The following PFKM variants were observed in gnomAD, a reference collection of about 807,000 sequenced individuals.
PFKM encodes phosphofructokinase, muscle.
A neutral mutation model predicts 95.5 loss-of-function variants in PFKM; 58 were observed. That is an observed-to-expected ratio of 0.61 (90% CI 0.49 to 0.76). The LOEUF (loss-of-function observed/expected upper bound fraction) is 0.76, where lower values mean the gene tolerates loss of function less well. Ranked by LOEUF, PFKM falls within the 30% of genes least tolerant of loss-of-function variation. PFKM has a pLI of 0.00. For missense variants in PFKM, 678 were observed against 1,005.4 expected (o/e 0.67, Z 4.40); for synonymous variants, 336 against 357.2 (o/e 0.94, Z 0.67).
chr12:48,136,604 A>G (rs1254446384), intron 10 of PFKM, among the ~76,000 whole-genome samples: 2 of 150,764 alleles, frequency 1.3e-5, no homozygotes, highest in African/African-American at 2.4e-5. Flanking sequence ...ATACTGCCCA[A>G]CTGTTTCCAG....
chr12:48,145,368 T>G lies in PFKM; in HGVS notation c.2198+53T>G, dbSNP rs1411145276. 6 of 1,461,326 alleles carry G rather than the reference T, an allele frequency of 4.1e-6. No homozygotes were observed. The highest frequency in any genetic ancestry group is 2.8e-5 in the African/African-American group (2 of 72,122). The allele number at this position is 1,461,326 out of a possible 1,614,324, so 90.5% of individuals were successfully genotyped here. On this transcript the variant is annotated intron_variant, in intron 22 of 22. Coordinates refer to ENST00000359794, the MANE Select transcript of PFKM (RefSeq NM_000289.6). The surrounding 1 kb of genome is among the most constrained non-coding windows in gnomAD (Gnocchi z 4.3). ...TCTTTTCCCTGGTAGTTTCAAGCTC[T>G]ACTGTCCTCAACCTGTTCACTGTCT...
At chr12:48,115,102 C>G (rs913844121), upstream of PFKM, among the ~76,000 whole-genome samples, 3 of 152,250 alleles carry the variant, frequency 2.0e-5, no homozygotes, top group Admixed American at 2.0e-4. Flanking sequence ...AATTGACTTG[C>G]CACCAAGGGA....
At chr12:48,144,308 T>G in intron 20 of PFKM, 151 bp downstream of exon 20, 1 of 704,348 alleles carries the variant, frequency 1.4e-6, no homozygotes, top group South Asian at 1.5e-5. Flanking sequence ...CTGCAGTCTC[T>G]TACAGTCATA....
intron 3 of PFKM, among the ~76,000 whole-genome samples, chr12:48,114,158 T>A (rs1369770824): frequency 6.6e-6 from 1 of 152,136 alleles, no homozygotes; most frequent in Non-Finnish European, 1.5e-5. Flanking sequence ...GTTATCAGCA[T>A]GCGATTGGGC....
At position 48,135,050 on chromosome 12, in the gene PFKM, T is replaced by C; in HGVS notation, c.843+12T>C. 6.3e-7 allele frequency: 1 copy of C among 1,594,340 alleles called. No individual in the cohort carries two copies. Among genetic ancestry groups the C allele is most frequent in the Non-Finnish European group, 8.6e-7 (1 of 1,161,990 alleles). ...AAGACATCAAGAATGTTCGTATGAATGAAGCCAGAGAGGCCTTAGAATCCA... is the reference window on the plus strand; with the variant it reads ...AAGACATCAAGAATGTTCGTATGAACGAAGCCAGAGAGGCCTTAGAATCCA... On this transcript the variant is annotated intron_variant, in intron 9 of 22. Coordinates refer to ENST00000359794, the MANE Select transcript of PFKM (RefSeq NM_000289.6).
chr12:48,133,459 C>G lies in PFKM; in HGVS notation c.572C>G (p.Ala191Gly). ...CATCGGATCATGGAAATTGTAGATG[C>G]CATCACTACCACTGCCCAGAGGTAA... ...ALHRIMEIVD[A>G]ITTTAQSHQR... Residue 191 changes from alanine to glycine, a missense_variant, in exon 6 of 23, where the codon GCC (alanine) becomes GGC (glycine). By Grantham distance (60) the Ala-to-Gly change is moderately conservative. Transcript: ENST00000359794. 6.2e-7 allele frequency: 1 copy of G among 1,614,074 alleles called. No individual in the cohort carries two copies. Among genetic ancestry groups the G allele is most frequent in the Non-Finnish European group, 8.5e-7 (1 of 1,179,948 alleles).
At chr12:48,112,769 G>T (rs1416153802) in intron 3 of PFKM, among the ~76,000 whole-genome samples, 1 of 151,604 alleles carries the variant, frequency 6.6e-6, no homozygotes, top group Non-Finnish European at 1.5e-5. Flanking sequence ...TTTTTGGATA[G>T]GTAAAATGGG....
intron 2 of PFKM, among the ~76,000 whole-genome samples, chr12:48,128,403 C>A (rs1391580630): frequency 6.6e-6 from 1 of 152,130 alleles, no homozygotes; most frequent in Non-Finnish European, 1.5e-5. Context: ...TTGTACTTGG[C>A]TCATGTCTTT....
chr12:48,109,916 A>T (rs1189125622), intron 3 of PFKM, among the ~76,000 whole-genome samples: 1 of 152,178 alleles, frequency 6.6e-6, no homozygotes, highest in Non-Finnish European at 1.5e-5. Context: ...ATACTATGTC[A>T]AGTACTGTAC....
intron 12 of PFKM, 40 bp downstream of exon 12, chr12:48,139,389 G>T: frequency 6.5e-7 from 1 of 1,539,716 alleles, no homozygotes; most frequent in African/African-American, 1.4e-5. Flanking sequence ...ACAGAAATCA[G>T]AGGCGTGAAC....
upstream of PFKM, chr12:48,105,430 T>C (rs770417103): frequency 3.9e-6 from 2 of 518,774 alleles, no homozygotes; most frequent in African/African-American, 1.9e-5. Context: ...GTAAGCAAAT[T>C]GTGGCAGTTA....
upstream of PFKM, among the ~76,000 whole-genome samples, chr12:48,116,739 A>G (rs758650194): frequency 1.3e-5 from 2 of 152,192 alleles, no homozygotes; most frequent in Non-Finnish European, 2.9e-5. Flanking sequence ...TTGGCCTCCC[A>G]AAGTGCTGGG....
rs1334505587 is a variant in PFKM at position 48,135,176 on chromosome 12, A to G, written c.844-115A>G. 23 of 1,155,070 alleles carry G rather than the reference A, an allele frequency of 2.0e-5. No individual in the cohort carries two copies. The Admixed American group carries it at 4.1e-4, about 20-fold the overall frequency. 71.6% of individuals were successfully genotyped at this position (1,155,070 alleles called of 1,614,324 possible). On this transcript the variant is annotated intron_variant, in intron 9 of 22. Transcript: ENST00000359794. ...TTCCCTGCCCCTGATTGCCTCCCACAAAGAACCATTACAAGACAAGAGGCT... is the reference window on the plus strand; with the variant it reads ...TTCCCTGCCCCTGATTGCCTCCCACGAAGAACCATTACAAGACAAGAGGCT...
rs1950820288 is a variant in PFKM, at chr12:48,144,166, G to A, written c.1992+9G>A. 1.3e-6 allele frequency: 2 copies of A among 1,560,984 alleles called. No homozygotes were observed. The highest frequency in any genetic ancestry group is 1.8e-6 in the Non-Finnish European group (2 of 1,133,298). On this transcript the variant is annotated intron_variant, in intron 20 of 22. Transcript: ENST00000359794. ...TTGGTCACATGCAGCAGGTAGGGAAGACACCGTAGTCATGCCCTTCATCAG... is the reference window on the plus strand; with the variant it reads ...TTGGTCACATGCAGCAGGTAGGGAAAACACCGTAGTCATGCCCTTCATCAG...
intron 7 of PFKM, 60 bp downstream of exon 7, chr12:48,134,336 C>G (rs1305728689): frequency 7.1e-7 from 1 of 1,407,532 alleles, no homozygotes; most frequent in Non-Finnish European, 1.0e-6. Flanking sequence ...TTTCCTTTTC[C>G]CCAGAGAGTC....
intron 11 of PFKM, 81 bp downstream of exon 11, chr12:48,137,927 G>C: frequency 1.4e-6 from 2 of 1,479,558 alleles, no homozygotes; most frequent in Admixed American, 1.7e-5. Context: ...CTATGTCTAA[G>C]GCCACTGGTA....
At position 48,145,518 on chromosome 12, in the gene PFKM, T is replaced by A; in HGVS notation, c.2199-46T>A. 1.9e-6 allele frequency: 3 copies of A among 1,610,376 alleles called. No individual in the cohort carries two copies. Among genetic ancestry groups the A allele is most frequent in the Non-Finnish European group, 2.5e-6 (3 of 1,176,698 alleles). On this transcript the variant is annotated intron_variant, in intron 22 of 22. Transcript: ENST00000359794. This position sits in a 1 kb window ranked among gnomAD's most constrained non-coding sequence, Gnocchi z 4.3. ...CTATAAACCTTTGGTAGAAGTTGAT[T>A]GGGGTGCTAAAAGATTATATCATCA...
At chr12:48,114,964 A>G (rs1253816021), upstream of PFKM, among the ~76,000 whole-genome samples, 2 of 152,132 alleles carry the variant, frequency 1.3e-5, no homozygotes, top group African/African-American at 4.8e-5. Flanking sequence ...AGAAGGAGGA[A>G]TGGAGGGTGG....
At chr12:48,128,054 CT>C (rs1274640447) in intron 2 of PFKM, among the ~76,000 whole-genome samples, 1 of 152,212 alleles carries the variant, frequency 6.6e-6, no homozygotes, top group Non-Finnish European at 1.5e-5. Context: ...TACTAAATTA[CT>C]TAAGGTTATT....
Sources: gnomAD v4.1 joint callset for allele counts (sites outside exome capture counted in the v4.1 genomes callset) on GRCh38, gnomAD v4.1.1 for gene constraint, Gnocchi (gnomAD v3.1) non-coding constraint, MANE v1.5 for transcripts, NCBI Gene and HGNC (gene_info 2026-07-23, HGNC 2026-07-21) for gene names.